Variants in LARP4 observed in about 807,000 individuals in gnomAD.
LARP4 encodes la-related protein 4.
Under a neutral mutation model 92.9 loss-of-function variants are expected in LARP4, and 29 were observed. The observed-to-expected ratio is 0.31, with a 90% CI of 0.23 to 0.43. The LOEUF is 0.43. Among genes scored for constraint, LARP4 ranks in the 20% least tolerant of loss-of-function variants. LARP4 has a pLI of 1.00. For synonymous variants in LARP4, 279 were observed against 284.1 expected, an observed-to-expected ratio of 0.98 and a Z score of 0.18; for missense variants, 732 against 860.0, an observed-to-expected ratio of 0.85 and a Z score of 1.86.
At chr12:50,455,914 G>C (rs1954144020) in intron 10 of LARP4, among the ~76,000 whole-genome samples, 1 of 152,058 alleles carries the variant, frequency 6.6e-6, no homozygotes, top group East Asian at 1.9e-4. Context: ...GGGCGTGGTG[G>C]TGTAGTGCAT....
chr12:50,430,698 G>A, intron 4 of LARP4, 128 bp downstream of exon 4: 1 of 554,736 alleles, frequency 1.8e-6, no homozygotes, highest in South Asian at 2.7e-5. Context: ...GTCTCATGTT[G>A]TCGCTGGGCT....
Position 50,433,310 on chromosome 12 carries a change from T to C in LARP4, c.399-2178T>C, listed in dbSNP as rs141571892. 1.5e-4 allele frequency among the ~76,000 whole-genome samples: 23 copies of C among 150,494 alleles called. No individual in the cohort carries two copies. In the East Asian group the frequency reaches 3.7e-3, roughly 24 times the overall value. On this transcript the variant is annotated intron_variant, in intron 4 of 15. Coordinates refer to ENST00000398473, the MANE Select transcript of LARP4 (RefSeq NM_052879.5). Reference sequence around the variant, plus strand: ...TTTTTGTAGTTTATCCCAGCTTTTTTAGTTGTTGCAGTGGAAGCTCCTACT... The same window carrying C: ...TTTTTGTAGTTTATCCCAGCTTTTTCAGTTGTTGCAGTGGAAGCTCCTACT...
At chr12:50,473,592 G>A (rs1266380521) in intron 14 of LARP4, 56 bp downstream of exon 14, 2 of 1,570,594 alleles carry the variant, frequency 1.3e-6, no homozygotes, top group Admixed American at 3.4e-5. Flanking sequence ...CTGGCCGGGT[G>A]TGGTGGCTCT....
In LARP4 at chr12:50,477,867, C is replaced by T. The variant is rs377721109; in HGVS notation, c.*2003C>T. On this transcript the variant is annotated 3_prime_UTR_variant, in exon 16 of 16. Transcript: ENST00000398473. Reference sequence around the variant, plus strand: ...ATTGACTACATCTATGATAAAAGTGCTTATTTTGGTTTACTAAGATAATGC... The same window carrying T: ...ATTGACTACATCTATGATAAAAGTGTTTATTTTGGTTTACTAAGATAATGC... 8.5e-5 allele frequency: 13 copies of T among 152,338 alleles called. No individual in the cohort carries two copies. The highest frequency in any genetic ancestry group is 2.7e-4 in the African/African-American group (11 of 41,416). The allele number at this position is 152,338 out of a possible 1,614,324, so 9.4% of individuals were successfully genotyped here.
chr12:50,404,121 G>A (rs1207834723), intron 1 of LARP4, among the ~76,000 whole-genome samples: 1 of 152,092 alleles, frequency 6.6e-6, no homozygotes, highest in South Asian at 2.1e-4. Context: ...TAGCTACTCG[G>A]GAGGCTAAGG....
chr12:50,453,577 C>G lies in LARP4; in HGVS notation c.922C>G (p.Gln308Glu). ...ACAGTATGCCTCCCCAGTCTTTATGCAGCCTGTATATAATCCTCACCAACA... is the reference window on the plus strand; with the variant it reads ...ACAGTATGCCTCCCCAGTCTTTATGGAGCCTGTATATAATCCTCACCAACA... ...QAQYASPVFMQPVYNPHQQYS... is the reference protein window; with the variant it reads ...QAQYASPVFMEPVYNPHQQYS... Residue 308 changes from glutamine (Q) to glutamate (E), a missense_variant, in exon 9 of 16, where the codon CAG becomes GAG. By Grantham distance (29) the Gln-to-Glu change is conservative. Coordinates refer to ENST00000398473, the MANE Select transcript of LARP4 (RefSeq NM_052879.5). The G allele has an allele frequency of 1.9e-6, 3 of 1,613,242 alleles. No homozygotes were observed. The highest frequency in any genetic ancestry group is 2.2e-5 in the East Asian group (1 of 44,860).
chr12:50,429,700 G>A (rs1378092678), intron 3 of LARP4, among the ~76,000 whole-genome samples: 1 of 152,118 alleles, frequency 6.6e-6, no homozygotes, highest in Non-Finnish European at 1.5e-5. Context: ...GTGCAGTGGC[G>A]TGATCTTGGC....
At chr12:50,402,210 AAACT>A (rs1943987534) in intron 1 of LARP4, among the ~76,000 whole-genome samples, 1 of 151,614 alleles carries the variant, frequency 6.6e-6, no homozygotes, top group South Asian at 2.1e-4. Context: ...TTTTCTCTTT[AAACT>A]AACTGATATT....
rs376887019 is a variant in LARP4 at position 50,454,267 on chromosome 12, A to T, written c.1018-47A>T. 2.6e-4 allele frequency: 372 copies of T among 1,446,506 alleles called. 1 individual carries two copies. In the Middle Eastern group the frequency reaches 8.2e-3, roughly 32 times the overall value. 89.6% of individuals were successfully genotyped at this position (1,446,506 alleles called of 1,614,324 possible). A position where few individuals can be genotyped will look rare whatever the true frequency, so the allele number is the denominator to read the frequency against. On this transcript the variant is annotated intron_variant, in intron 9 of 15. Transcript: ENST00000398473. ...AAGGTTCTTGTGACCCTCACACCAG[A>T]TTTTACCTTTGCCATTAATATTGTT... is the stretch of plus-strand genomic sequence containing the variant.
intron 7 of LARP4, chr12:50,441,340 T>G: frequency 6.4e-6 from 2 of 310,414 alleles, no homozygotes; most frequent in Non-Finnish European, 1.2e-5. Flanking sequence ...TTTCTAGGGA[T>G]ATTTTGGGTC....
At chr12:50,401,260 G>A (rs1943766964) in intron 1 of LARP4, 1 of 591,248 alleles carries the variant, frequency 1.7e-6, no homozygotes, top group Admixed American at 2.9e-5. Context: ...GGAGAAAAAC[G>A]GAGGGCTGTT....
intron 1 of LARP4, among the ~76,000 whole-genome samples, chr12:50,406,915 G>A (rs574245744): frequency 6.6e-6 from 1 of 151,900 alleles, no homozygotes; most frequent in Non-Finnish European, 1.5e-5. Flanking sequence ...ACGAGGTTTC[G>A]CCATGTTGGC....
At chr12:50,459,841 A>T (rs1955027989) in intron 10 of LARP4, among the ~76,000 whole-genome samples, 1 of 150,590 alleles carries the variant, frequency 6.6e-6, no homozygotes, top group Admixed American at 6.7e-5. Flanking sequence ...AAAAAAAAAA[A>T]AAAAAGGGTG....
intron 7 of LARP4, 135 bp from the exon 8 acceptor site, chr12:50,441,455 C>A: frequency 1.9e-6 from 1 of 531,312 alleles, no homozygotes. Flanking sequence ...TTTTTCATTC[C>A]CTGTCCACCT....
At position 50,477,817 on chromosome 12, in the gene LARP4, G is replaced by T. The variant is rs914872469; in HGVS notation, c.*1953G>T. On this transcript the variant is annotated 3_prime_UTR_variant, in exon 16 of 16. Coordinates refer to ENST00000398473, the MANE Select transcript of LARP4 (RefSeq NM_052879.5). ...TGTGCTGAAATTTGGGGGAAGTTTA[G>T]GTCCTTTAAAAAAACATATTAATCA... is the stretch of plus-strand genomic sequence containing the variant. 1.3e-5 allele frequency: 2 copies of T among 152,326 alleles called. No individual in the cohort carries two copies. The highest frequency in any genetic ancestry group is 2.9e-5 in the Non-Finnish European group (2 of 67,912). The allele number at this position is 152,326 out of a possible 1,614,324, so 9.4% of individuals were successfully genotyped here.
At chr12:50,439,857 A>G (rs1353138499) in intron 6 of LARP4, among the ~76,000 whole-genome samples, 6 of 151,818 alleles carry the variant, frequency 4.0e-5, no homozygotes, top group African/African-American at 9.7e-5. Context: ...TTCTGAATCC[A>G]TATAGCTGTT....
At chr12:50,423,674 C>G (rs1948233522) in intron 1 of LARP4, among the ~76,000 whole-genome samples, 1 of 151,774 alleles carries the variant, frequency 6.6e-6, no homozygotes, top group African/African-American at 2.4e-5. Context: ...ATCTTGAACT[C>G]CTGACCTCAT....
Position 50,462,573 on chromosome 12 carries a change from T to C in LARP4, c.1335-9T>C. On this transcript the variant is annotated splice_polypyrimidine_tract_variant and intron_variant, in intron 11 of 15. Transcript: ENST00000398473. Reference sequence around the variant, plus strand: ...CCCCACCCCACCCCCACCTTTTTCTTATTAAAAGGAGAACTCTCTTCAGAG... The same window carrying C: ...CCCCACCCCACCCCCACCTTTTTCTCATTAAAAGGAGAACTCTCTTCAGAG... The C allele has an allele frequency of 6.6e-7, 1 of 1,504,000 alleles. No homozygotes were observed. Among genetic ancestry groups the C allele is most frequent in the Non-Finnish European group, 9.1e-7 (1 of 1,100,184 alleles). The allele number at this position is 1,504,000 out of a possible 1,614,324, so 93.2% of individuals were successfully genotyped here.
At position 50,468,460 on chromosome 12, in the gene LARP4, A is replaced by AT. The variant is rs796478308; in HGVS notation, c.1545+1350dup. ...AGGCGCCTGCCACTACGCCCGGCTAATTTTTTTTTTGTATTTTTAGTAGAG... is the reference window on the plus strand; with the variant it reads ...AGGCGCCTGCCACTACGCCCGGCTAATTTTTTTTTTTGTATTTTTAGTAGAG... On this transcript the variant is annotated intron_variant, in intron 13 of 15. Transcript: ENST00000398473. 5.6e-3 allele frequency among the ~76,000 whole-genome samples: 818 copies of AT among 147,298 alleles called. 3 individuals carry two copies. The highest frequency in any genetic ancestry group is 0.014 in the African/African-American group (544 of 40,026).
Sources: gnomAD v4.1 joint callset for allele counts (sites outside exome capture counted in the v4.1 genomes callset) on GRCh38, gnomAD v4.1.1 for gene constraint, MANE v1.5 for transcripts, NCBI Gene and HGNC (gene_info 2026-07-23, HGNC 2026-07-21) for gene names.